Variants in INHBB observed in about 807,000 individuals in gnomAD.
The protein encoded by INHBB is inhibin subunit beta B, also known as inhibin beta B chain.
A neutral mutation model predicts 28.9 loss-of-function variants in INHBB; 8 were observed. The ratio of observed to expected loss-of-function variants is 0.28; its 90% confidence interval spans 0.16 to 0.50. The LOEUF (loss-of-function observed/expected upper bound fraction) is 0.50. INHBB is among the 20% of genes least tolerant of loss of function. The pLI is 0.98. For synonymous variants in INHBB, 293 were observed against 262.7 expected, an observed-to-expected ratio of 1.12 and a Z score of -1.12; for missense variants, 499 against 597.8, an observed-to-expected ratio of 0.83 and a Z score of 1.72.
rs780586957 is a variant in INHBB, at chr2:120,351,067, G to C, written c.*1193G>C. 6.5e-6 allele frequency: 1 copy of C among 152,672 alleles called. No individual in the cohort carries two copies. The highest frequency in any genetic ancestry group is 1.9e-4 in the East Asian group (1 of 5,184). The allele number at this position is 152,672 out of a possible 1,614,324, so 9.5% of individuals were successfully genotyped here. ...GTGGCCCCTGCCCACTCACCTGCCC[G>C]CCTGCCCGCCCGCCCGCATAGCACT... On this transcript the variant is annotated 3_prime_UTR_variant, in exon 2 of 2. Transcript: ENST00000295228.
chr2:120,349,102 G>C lies in INHBB; in HGVS notation c.452G>C (p.Gly151Ala). ...SEIISFAETD[G>A]LASSRVRLYF... ...TCGCCCTTCCCCTTTTCCGCAGATGGCCTCGCCTCCTCCCGGGTCCGCCTA... is the reference window on the plus strand; with the variant it reads ...TCGCCCTTCCCCTTTTCCGCAGATGCCCTCGCCTCCTCCCGGGTCCGCCTA... Residue 151 changes from glycine to alanine, a missense_variant, in exon 2 of 2, where the codon GGC becomes GCC. By Grantham distance (60) the Gly-to-Ala change is moderately conservative. Around this residue, in one of 2 missense-constraint regions of INHBB, gnomAD observed 385 missense variants for 415.2 expected, o/e 0.93. Coordinates refer to ENST00000295228, the MANE Select transcript of INHBB (RefSeq NM_002193.4). This position sits in a 1 kb window ranked among gnomAD's most constrained non-coding sequence, Gnocchi z 5.6. 1.3e-6 allele frequency: 2 copies of C among 1,597,006 alleles called. No homozygotes were observed. The highest frequency in any genetic ancestry group is 1.7e-6 in the Non-Finnish European group (2 of 1,169,150).
At chr2:120,348,222 G>GAAAAAAA (rs71396084) in intron 1 of INHBB, among the ~76,000 whole-genome samples, 17 of 77,842 alleles carry the variant, frequency 2.2e-4, no homozygotes, top group African/African-American at 9.2e-4. Context: ...TGTTCTTCCT[G>GAAAAAAA]AAAAAAAAAA....
Position 120,350,694 on chromosome 2 carries a change from A to G in INHBB, c.*820A>G, listed in dbSNP as rs1362755948. 1 of 152,298 alleles carries G rather than the reference A, an allele frequency of 6.6e-6. No homozygotes were observed. The highest frequency in any genetic ancestry group is 2.4e-5 in the African/African-American group (1 of 41,460). The allele number at this position is 152,298 out of a possible 1,614,324, so 9.4% of individuals were successfully genotyped here. ...CAACAGTTGACAGGTCATCCTTGCCAGTTGTATAACTGAAAAAGGACTTTT... is the reference window on the plus strand; with the variant it reads ...CAACAGTTGACAGGTCATCCTTGCCGGTTGTATAACTGAAAAAGGACTTTT... On this transcript the variant is annotated 3_prime_UTR_variant, in exon 2 of 2. Transcript: ENST00000295228.
chr2:120,348,432 A>G (rs1691199971), intron 1 of INHBB, among the ~76,000 whole-genome samples: 1 of 151,934 alleles, frequency 6.6e-6, no homozygotes, highest in Non-Finnish European at 1.5e-5. Context: ...TTGTCAAAGG[A>G]TTGGACCTCA....
Position 120,346,268 on chromosome 2 carries a change from G to C in INHBB, c.80G>C (p.Trp27Ser). The change falls in exon 1 of 2, where the codon TGG becomes TCG. Residue 27 changes from tryptophan to serine, a missense_variant. Around this residue, in one of 2 missense-constraint regions of INHBB, gnomAD observed 385 missense variants for 415.2 expected, o/e 0.93. Coordinates refer to ENST00000295228, the MANE Select transcript of INHBB (RefSeq NM_002193.4). ...GCCGGCTGGCTGGGGCCTGAGGCCT[G>C]GGGCTCACCCACGCCCCCGCCGACG... ...LAAGWLGPEA[W>S]GSPTPPPTPA... 2 of 1,347,304 alleles carry C rather than the reference G, an allele frequency of 1.5e-6. No homozygotes were observed. Among genetic ancestry groups the C allele is most frequent in the Non-Finnish European group, 1.9e-6 (2 of 1,056,660 alleles). 83.5% of individuals were successfully genotyped at this position (1,347,304 alleles called of 1,614,324 possible).
intron 1 of INHBB, among the ~76,000 whole-genome samples, chr2:120,347,395 G>A (rs951180379): frequency 3.1e-5 from 4 of 130,750 alleles, no homozygotes; most frequent in African/African-American, 1.1e-4. Flanking sequence ...TCTGGAATCC[G>A]CCCCCCCCCC....
At chr2:120,347,199 G>A (rs1184338961) in intron 1 of INHBB, among the ~76,000 whole-genome samples, 1 of 152,182 alleles carries the variant, frequency 6.6e-6, no homozygotes, top group Non-Finnish European at 1.5e-5. Context: ...GGAGAGCTAG[G>A]CAACCTCTCT....
chr2:120,346,402 G>C lies in INHBB; in HGVS notation c.214G>C (p.Gly72Arg), dbSNP rs1249970261. The stretch of plus-strand genomic sequence containing the variant: ...GCCAGAGGAGCTCGGCCGAGTGGAC[G>C]GCGACTTCCTGGAGGCGGTGAAGCG... ...RRPEELGRVDGDFLEAVKRHI... is the reference protein window; with the variant it reads ...RRPEELGRVDRDFLEAVKRHI... Residue 72 changes from glycine to arginine, a missense_variant, in exon 1 of 2, where the codon GGC becomes CGC. Transcript: ENST00000295228. The C allele has an allele frequency of 3.9e-6, 6 of 1,541,460 alleles. No individual in the cohort carries two copies. The highest frequency in any genetic ancestry group is 2.0e-4 in the Middle Eastern group (1 of 4,962).
intron 1 of INHBB, 36 bp downstream of exon 1, chr2:120,346,672 C>T (rs1691160793): frequency 1.4e-6 from 2 of 1,385,486 alleles, no homozygotes; most frequent in Non-Finnish European, 1.9e-6. Flanking sequence ...CCGCGGTCCC[C>T]GCTCGCTCCC....
In INHBB at chr2:120,350,134, A is replaced by T. The variant is rs1243401057; in HGVS notation, c.*260A>T. On this transcript the variant is annotated 3_prime_UTR_variant, in exon 2 of 2. Transcript: ENST00000295228. The stretch of plus-strand genomic sequence containing the variant: ...CACGCACAGCCAGACGCATCCTGCC[A>T]CCCACACAGCAGCCTCCAGGATACC... 2.1e-6 allele frequency: 1 copy of T among 483,402 alleles called. No individual in the cohort carries two copies. Among genetic ancestry groups the T allele is most frequent in the Admixed American group, 3.8e-5 (1 of 26,534 alleles). 29.9% of individuals were successfully genotyped at this position (483,402 alleles called of 1,614,324 possible).
Position 120,346,509 on chromosome 2 carries a change from G to A in INHBB, c.321G>A (p.Leu107=). ...CTAAGGCCGCCATGGTCACGGCCCTGCGCAAGCTGCACGCGGGCAAGGTGC... is the reference window on the plus strand; with the variant it reads ...CTAAGGCCGCCATGGTCACGGCCCTACGCAAGCTGCACGCGGGCAAGGTGC... ...AVPKAAMVTA[L]RKLHAGKVRE... is the part of the protein sequence containing the mutation. Residue 107 remains leucine (L), a synonymous_variant, in exon 1 of 2, where the codon CTG becomes CTA. Transcript: ENST00000295228. 1 of 1,539,334 alleles carries A rather than the reference G, an allele frequency of 6.5e-7. No individual in the cohort carries two copies. Among genetic ancestry groups the A allele is most frequent in the Admixed American group, 1.9e-5 (1 of 52,096 alleles).
chr2:120,349,346 G>T lies in INHBB; in HGVS notation c.696G>T (p.Thr232=), dbSNP rs778762025. Residue 232 remains threonine (T), a synonymous_variant, in exon 2 of 2, where the codon ACG becomes ACT. Transcript: ENST00000295228. The surrounding 1 kb of genome is among the most constrained non-coding windows in gnomAD (Gnocchi z 5.6). The stretch of plus-strand genomic sequence containing the variant: ...GCGGCTGGCATACCTTCCCACTCAC[G>T]GAGGCCATCCAGGCCTTGTTTGAGC... The part of the protein sequence containing the change: ...KRSGWHTFPL[T]EAIQALFERG... The T allele has an allele frequency of 6.2e-7, 1 of 1,614,080 alleles. No homozygotes were observed. The highest frequency in any genetic ancestry group is 8.5e-7 in the Non-Finnish European group (1 of 1,180,008).
chr2:120,349,805 C>A lies in INHBB; in HGVS notation c.1155C>A (p.Phe385Leu). 1 of 1,613,208 alleles carries A rather than the reference C, an allele frequency of 6.2e-7. No individual in the cohort carries two copies. The highest frequency in any genetic ancestry group is 1.1e-5 in the South Asian group (1 of 91,078). ...TKLSTMSMLYFDDEYNIVKRD... is the reference protein window; with the variant it reads ...TKLSTMSMLYLDDEYNIVKRD... The stretch of plus-strand genomic sequence containing the variant: ...TGAGCACCATGTCCATGCTGTACTT[C>A]GATGATGAGTACAACATCGTCAAGC... The change falls in exon 2 of 2, where the codon TTC becomes TTA. Residue 385 changes from phenylalanine (F) to leucine (L), a missense_variant. Transcript: ENST00000295228. This position sits in a 1 kb window ranked among gnomAD's most constrained non-coding sequence, Gnocchi z 5.6.
chr2:120,346,716 C>T (rs955096142), intron 1 of INHBB, 80 bp downstream of exon 1: 238 of 1,301,974 alleles, frequency 1.8e-4, no homozygotes, highest in Non-Finnish European at 2.2e-4. Flanking sequence ...CGGCTGCCAC[C>T]GCCGCCACCG....
rs540253450 is a variant in INHBB at position 120,346,952 on chromosome 2, C to T, written c.448+316C>T. Among the ~76,000 whole-genome samples the T allele has an allele frequency of 4.6e-5, 7 of 152,382 alleles. No individual in the cohort carries two copies. The South Asian group carries it at 1.2e-3, about 27-fold the overall frequency. On this transcript the variant is annotated intron_variant, in intron 1 of 1. Transcript: ENST00000295228. ...TCCCGGCAGATGCGCGCGGCCCTGG[C>T]TCTGCGGGCACTTGCTTGGTGATTG...
Position 120,349,400 on chromosome 2 carries a change from G to A in INHBB, c.750G>A (p.Val250=). The change falls in exon 2 of 2, where the codon GTG becomes GTA. Residue 250 remains valine, a synonymous_variant. Transcript: ENST00000295228. The surrounding 1 kb of genome is among the most constrained non-coding windows in gnomAD (Gnocchi z 5.6). ...ERGERRLNLD[V]QCDSCQELAV... ...GCGAGCGGCGACTCAACCTAGACGT[G>A]CAGTGTGACAGCTGCCAGGAGCTGG... 1.9e-6 allele frequency: 3 copies of A among 1,613,890 alleles called. No individual in the cohort carries two copies. The highest frequency in any genetic ancestry group is 2.5e-6 in the Non-Finnish European group (3 of 1,180,034).
At chr2:120,347,402 C>A (rs546606890) in intron 1 of INHBB, among the ~76,000 whole-genome samples, 93 of 150,534 alleles carry the variant, frequency 6.2e-4, no homozygotes, top group Middle Eastern at 3.4e-3. Context: ...TCCGCCCCCC[C>A]CCCCGGCCCC....
Position 120,346,246 on chromosome 2 carries a change from G to A in INHBB, c.58G>A (p.Gly20Ser). Residue 20 changes from glycine (G) to serine (S), a missense_variant, in exon 1 of 2, where the codon GGC (glycine) becomes AGC (serine). By Grantham distance (56) the Gly-to-Ser change is moderately conservative. Around this residue, in one of 2 missense-constraint regions of INHBB, gnomAD observed 385 missense variants for 415.2 expected, o/e 0.93. Coordinates refer to ENST00000295228, the MANE Select transcript of INHBB (RefSeq NM_002193.4). The part of the protein sequence containing the change: ...GAACLLLLAA[G>S]WLGPEAWGSP... ...CGCCTGCCTTCTGCTGCTGGCGGCC[G>A]GCTGGCTGGGGCCTGAGGCCTGGGG... The A allele has an allele frequency of 4.1e-6, 5 of 1,227,804 alleles. No homozygotes were observed. Among genetic ancestry groups the A allele is most frequent in the Non-Finnish European group, 5.1e-6 (5 of 985,188 alleles). The allele number at this position is 1,227,804 out of a possible 1,614,324, so 76.1% of individuals were successfully genotyped here. A position where few individuals can be genotyped will look rare whatever the true frequency, so the allele number is the denominator to read the frequency against.
At position 120,349,742 on chromosome 2, in the gene INHBB, C is replaced by G. The variant is rs769057982; in HGVS notation, c.1092C>G (p.Asn364Lys). 6.2e-7 allele frequency: 1 copy of G among 1,613,730 alleles called. No homozygotes were observed. The highest frequency in any genetic ancestry group is 8.5e-7 in the Non-Finnish European group (1 of 1,180,050). The change falls in exon 2 of 2, where the codon AAC becomes AAG. Residue 364 changes from asparagine (N) to lysine (K), a missense_variant. This residue lies in a region of INHBB where 114 missense variants were observed against 182.6 expected (regional missense o/e 0.62). Coordinates refer to ENST00000295228, the MANE Select transcript of INHBB (RefSeq NM_002193.4). This position sits in a 1 kb window ranked among gnomAD's most constrained non-coding sequence, Gnocchi z 5.6. ...VVNQYRMRGLNPGTVNSCCIP... is the reference protein window; with the variant it reads ...VVNQYRMRGLKPGTVNSCCIP... ...ACCAGTACCGCATGCGGGGTCTGAA[C>G]CCCGGCACGGTGAACTCCTGCTGCA...
Sources: allele counts gnomAD v4.1 joint callset (sites outside exome capture counted in the v4.1 genomes callset), GRCh38; gene constraint gnomAD v4.1.1; regional missense constraint gnomAD v4.1.1; non-coding constraint Gnocchi (gnomAD v3.1); transcripts MANE v1.5; gene names NCBI Gene and HGNC (gene_info 2026-07-23, HGNC 2026-07-21).